CEP170B: variants seen among roughly 807,000 people sequenced by gnomAD.
The protein encoded by CEP170B is centrosomal protein of 170 kDa protein B.
In CEP170B, 55 loss-of-function variants were observed where a neutral mutation model predicts 120.6. The ratio of observed to expected loss-of-function variants is 0.46; its 90% CI spans 0.37 to 0.57. The LOEUF is 0.57. CEP170B is among the 20% of genes least tolerant of loss of function. The pLI is 0.00. For missense variants in CEP170B, 2,212 were observed against 2,253.3 expected (o/e 0.98, Z 0.37); for synonymous variants, 1,033 against 954.5 (o/e 1.08, Z -1.52).
intron 4 of CEP170B, 46 bp from the exon 5 acceptor site, chr14:104,878,397 G>T: frequency 6.3e-7 from 1 of 1,594,450 alleles, no homozygotes. Context: ...CTTCAGCGCT[G>T]GGCTCCTGGC....
intron 16 of CEP170B, 99 bp downstream of exon 16, chr14:104,893,948 T>C (rs1001577347): frequency 3.6e-6 from 4 of 1,101,476 alleles, no homozygotes; most frequent in African/African-American, 1.5e-5. Context: ...AGCGGTTTCA[T>C]GGGTACTCGT....
rs1896841517 is a variant in CEP170B at position 104,891,156 on chromosome 14, GCCT to G, written c.3878+1403_3878+1405del. Among the ~76,000 whole-genome samples the G allele has an allele frequency of 6.6e-6, 1 of 152,056 alleles. No homozygotes were observed. On this transcript the variant is annotated intron_variant, in intron 13 of 18. Transcript: ENST00000414716. The surrounding 1 kb of genome is among the most constrained non-coding windows in gnomAD (Gnocchi z 4.3). ...AGGTGAGACCGCCAGTACAAGGAGG[GCCT>G]CCTCAAAGGTTTTCATTAGAAATGA... is the stretch of plus-strand genomic sequence containing the variant.
rs1209519913 is a variant in CEP170B, at chr14:104,870,015, C to G, written c.105+1460C>G. Reference sequence around the variant, plus strand: ...TGTTCCGGCTCTGAAGTTCTTTAATCTGGAACATTCTCTCCCTTTTTTCTC... The same window carrying G: ...TGTTCCGGCTCTGAAGTTCTTTAATGTGGAACATTCTCTCCCTTTTTTCTC... On this transcript the variant is annotated intron_variant, in intron 2 of 18. Coordinates refer to ENST00000414716, the MANE Select transcript of CEP170B (RefSeq NM_001112726.3). This position sits in a 1 kb window ranked among gnomAD's most constrained non-coding sequence, Gnocchi z 4.1. 6.6e-6 allele frequency among the ~76,000 whole-genome samples: 1 copy of G among 152,240 alleles called. No homozygotes were observed. Among genetic ancestry groups the G allele is most frequent in the Non-Finnish European group, 1.5e-5 (1 of 68,046 alleles).
chr14:104,883,360 G>T lies in CEP170B; in HGVS notation c.903G>T (p.Glu301Asp), dbSNP rs985196708. 6.2e-7 allele frequency: 1 copy of T among 1,609,542 alleles called. No homozygotes were observed. The highest frequency in any genetic ancestry group is 1.1e-5 in the South Asian group (1 of 90,416). Reference protein sequence around the residue: ...SLRQRRPPGKEATPGEMVSAE... With the variant: ...SLRQRRPPGKDATPGEMVSAE... ...GCCAGCGGCGGCCCCCGGGCAAGGA[G>T]GCCACACCTGGCGAGATGGTGTCGG... The change falls in exon 8 of 19, where the codon GAG (glutamate) becomes GAT (aspartate). Residue 301 changes from glutamate (E) to aspartate (D), a missense_variant. Around this residue, in one of 2 missense-constraint regions of CEP170B, gnomAD observed 2,166 missense variants for 2,166.7 expected, o/e 1.00. Transcript: ENST00000414716.
chr14:104,890,310 G>A (rs1259577791), intron 13 of CEP170B, among the ~76,000 whole-genome samples: 5 of 130,292 alleles, frequency 3.8e-5, no homozygotes, highest in South Asian at 2.9e-4. Flanking sequence ...GGATGGGTGA[G>A]TGGGTGGGTG....
rs898549371 is a variant in CEP170B, at chr14:104,868,920, C to T, written c.105+365C>T. 3.3e-5 allele frequency among the ~76,000 whole-genome samples: 5 copies of T among 152,206 alleles called. No individual in the cohort carries two copies. The highest frequency in any genetic ancestry group is 2.1e-4 in the South Asian group (1 of 4,816). ...TGGGCTTTGGAAGGTCCTGGAAAGCCGGTCTGTCCATATTCTTGTTGTCTG... is the reference window on the plus strand; with the variant it reads ...TGGGCTTTGGAAGGTCCTGGAAAGCTGGTCTGTCCATATTCTTGTTGTCTG... On this transcript the variant is annotated intron_variant, in intron 2 of 18. Coordinates refer to ENST00000414716, the MANE Select transcript of CEP170B (RefSeq NM_001112726.3). This position sits in a 1 kb window ranked among gnomAD's most constrained non-coding sequence, Gnocchi z 5.9.
intron 8 of CEP170B, 62 bp downstream of exon 8, chr14:104,883,570 G>T: frequency 1.4e-6 from 2 of 1,450,498 alleles, no homozygotes; most frequent in Non-Finnish European, 1.8e-6. Context: ...ACTTTGGCTG[G>T]GTCTGCACTG....
At chr14:104,881,822 C>T (rs963151800) in intron 6 of CEP170B, among the ~76,000 whole-genome samples, 3 of 152,108 alleles carry the variant, frequency 2.0e-5, no homozygotes, top group Admixed American at 6.5e-5. Flanking sequence ...AGGGGTAAGG[C>T]GTGTGTGACA....
At chr14:104,889,806 TTGAG>T in intron 13 of CEP170B, 48 bp downstream of exon 13, 1 of 1,562,584 alleles carries the variant, frequency 6.4e-7, no homozygotes. Flanking sequence ...GTGCGTTTTC[TTGAG>T]TGAGAGCACC....
chr14:104,893,536 T>C lies in CEP170B; in HGVS notation c.4052T>C (p.Ile1351Thr). 6.2e-7 allele frequency: 1 copy of C among 1,603,970 alleles called. No individual in the cohort carries two copies. The highest frequency in any genetic ancestry group is 2.2e-5 in the East Asian group (1 of 44,500). Residue 1351 changes from isoleucine (I) to threonine (T), a missense_variant, in exon 15 of 19, where the codon ATC (isoleucine) becomes ACC (threonine). Physicochemically the swap from Ile to Thr is moderately conservative, Grantham distance 89. Around this residue, in one of 2 missense-constraint regions of CEP170B, gnomAD observed 2,166 missense variants for 2,166.7 expected, o/e 1.00. Transcript: ENST00000414716. ...TCCCTCTTGCAGCTGGTGCAGCGCA[T>C]CCCCGAGGCCAGCCTCAACTTCCAG... ...ISAREELVQRIPEASLNFQKV... is the reference protein window; with the variant it reads ...ISAREELVQRTPEASLNFQKV...
intron 13 of CEP170B, among the ~76,000 whole-genome samples, chr14:104,890,582 ATGGATGGGT>A (rs1896786165): frequency 8.3e-6 from 1 of 120,594 alleles, no homozygotes; most frequent in African/African-American, 3.2e-5. Context: ...GGATGGATGG[ATGGATGGGT>A]GAGTGAGTGG....
chr14:104,892,098 G>A (rs930365863), intron 13 of CEP170B, among the ~76,000 whole-genome samples: 4 of 152,146 alleles, frequency 2.6e-5, no homozygotes, highest in Admixed American at 1.3e-4. Context: ...GGCTTGGGGT[G>A]GGGCCTGTCC....
At chr14:104,888,029 G>T in intron 12 of CEP170B, 51 bp downstream of exon 12, 1 of 1,434,354 alleles carries the variant, frequency 7.0e-7, no homozygotes, top group East Asian at 2.5e-5. Context: ...GCTGCCAGTG[G>T]GTCTGCAGCA....
rs1896534145 is a variant in CEP170B, at chr14:104,886,724, A to G, written c.2485A>G (p.Ser829Gly). Reference protein sequence around the residue: ...GEGLGQTAQPSPPARDGVYVS... With the variant: ...GEGLGQTAQPGPPARDGVYVS... ...GGGCCTAGGGCAGACAGCCCAGCCC[A>G]GCCCCCCAGCACGGGATGGCGTCTA... The change falls in exon 12 of 19, where the codon AGC becomes GGC. Residue 829 changes from serine to glycine, a missense_variant. Physicochemically the swap from Ser to Gly is moderately conservative, Grantham distance 56 (BLOSUM62 0). Around this residue, in one of 2 missense-constraint regions of CEP170B, gnomAD observed 2,166 missense variants for 2,166.7 expected, o/e 1.00. Coordinates refer to ENST00000414716, the MANE Select transcript of CEP170B (RefSeq NM_001112726.3). 9 of 1,602,566 alleles carry G rather than the reference A, an allele frequency of 5.6e-6. No homozygotes were observed. Among genetic ancestry groups the G allele is most frequent in the Non-Finnish European group, 7.7e-6 (9 of 1,173,984 alleles).
chr14:104,893,858 GCTTC>G lies in CEP170B; in HGVS notation c.4271+12_4271+15del. ...CTTGCCGAGAAGATGAAGTGAGTCG[GCTTC>G]CTGGCTGAGGTGGACGCCCAGACAC... On this transcript the variant is annotated intron_variant, in intron 16 of 18. Coordinates refer to ENST00000414716, the MANE Select transcript of CEP170B (RefSeq NM_001112726.3). 6.2e-7 allele frequency: 1 copy of G among 1,608,632 alleles called. No individual in the cohort carries two copies. The highest frequency in any genetic ancestry group is 8.5e-7 in the Non-Finnish European group (1 of 1,177,778).
Position 104,885,532 on chromosome 14 carries a change from C to CGGAG in CEP170B, c.1935_1938dup (p.His647GlyfsTer25). ...CGGCCACTGGGTGCGGCCCCCCAGG[C>CGGAG]GGAGCACCAGGTACAGGCACAGACG... On this transcript the variant is annotated frameshift_variant, in exon 10 of 19. Transcript: ENST00000414716. LOFTEE classifies it high-confidence loss of function. 1 of 1,563,022 alleles carries CGGAG rather than the reference C, an allele frequency of 6.4e-7. No individual in the cohort carries two copies. Among genetic ancestry groups the CGGAG allele is most frequent in the African/African-American group, 1.4e-5 (1 of 73,906 alleles).
Position 104,868,096 on chromosome 14 carries a change from G to A in CEP170B, c.-27-328G>A, listed in dbSNP as rs555935703. On this transcript the variant is annotated intron_variant, in intron 1 of 18. Coordinates refer to ENST00000414716, the MANE Select transcript of CEP170B (RefSeq NM_001112726.3). This position sits in a 1 kb window ranked among gnomAD's most constrained non-coding sequence, Gnocchi z 5.9. ...GGATGTGGGGTCACTTACAGGCAGT[G>A]CAGCCAGTGTCCCCATGAACTTCAA... Among the ~76,000 whole-genome samples the A allele has an allele frequency of 1.1e-4, 16 of 152,244 alleles. No individual in the cohort carries two copies. The highest frequency in any genetic ancestry group is 2.1e-4 in the Non-Finnish European group (14 of 68,006).
intron 6 of CEP170B, 90 bp downstream of exon 6, chr14:104,880,515 C>G (rs2140675114): frequency 6.5e-7 from 1 of 1,532,524 alleles, no homozygotes; most frequent in East Asian, 2.4e-5. Context: ...CCTTAACCCT[C>G]TGCATGCATA....
At chr14:104,877,826 G>GGCCACAGCCCCCCCCCCCC in intron 3 of CEP170B, 59 bp from the exon 4 acceptor site, 1 of 534,440 alleles carries the variant, frequency 1.9e-6, no homozygotes, top group African/African-American at 4.0e-5. Flanking sequence ...CTGCGGCCCT[G>GGCCACAGCCCCCCCCCCCC]CCCACAGCCA....
Sources: gnomAD v4.1 joint callset for allele counts (sites outside exome capture counted in the v4.1 genomes callset) on GRCh38, gnomAD v4.1.1 for gene constraint, gnomAD v4.1.1 regional missense constraint, Gnocchi (gnomAD v3.1) non-coding constraint, MANE v1.5 for transcripts, NCBI Gene and HGNC (gene_info 2026-07-23, HGNC 2026-07-21) for gene names.